CALHM4: variants seen among roughly 807,000 people sequenced by gnomAD.
CALHM4 encodes the protein calcium homeostasis modulator family member 4, also known as calcium homeostasis modulator protein 4.
In CALHM4, 16 loss-of-function variants were observed where a neutral mutation model predicts 13.3. The observed-to-expected ratio is 1.20, with a 90% CI of 0.81 to 1.82. CALHM4 has a LOEUF of 1.82. Ranked by LOEUF, CALHM4 falls within the 40% of genes most tolerant of loss-of-function variation. CALHM4 has a pLI of 0.00. For synonymous variants in CALHM4, 127 were observed against 137.1 expected (o/e 0.93, Z 0.52); for missense variants, 344 against 374.9 (o/e 0.92, Z 0.68).
intron 1 of CALHM4, among the ~76,000 whole-genome samples, chr6:116,533,840 T>C (rs1295719593): frequency 6.6e-6 from 1 of 152,144 alleles, no homozygotes; most frequent in East Asian, 1.9e-4. Flanking sequence ...GGCCTTTCCT[T>C]CCTAACTTGC....
upstream of CALHM4, among the ~76,000 whole-genome samples, chr6:116,552,965 T>A (rs953597513): frequency 6.6e-6 from 1 of 152,108 alleles, no homozygotes; most frequent in Non-Finnish European, 1.5e-5. Context: ...TCCCAGCTAC[T>A]CACGAGGCTG....
At chr6:116,534,869 G>A (rs1329711677) in intron 1 of CALHM4, among the ~76,000 whole-genome samples, 2 of 151,982 alleles carry the variant, frequency 1.3e-5, no homozygotes, top group Non-Finnish European at 1.5e-5. Flanking sequence ...CCTAAAAATC[G>A]GGGTTTCAAG....
intron 2 of CALHM4, among the ~76,000 whole-genome samples, chr6:116,548,218 A>T (rs145073198): frequency 6.6e-6 from 1 of 152,194 alleles, no homozygotes; most frequent in Non-Finnish European, 1.5e-5. Context: ...CTCTTCTGCT[A>T]TGTGAGGATA....
Position 116,554,111 on chromosome 6 carries a change from C to CA in CALHM4, c.319dup (p.Ile107AsnfsTer24), listed in dbSNP as rs1433927093. On this transcript the variant is annotated frameshift_variant, in exon 1 of 2. Coordinates refer to ENST00000368596, the MANE Select transcript of CALHM4 (RefSeq NM_001366078.2). LOFTEE classifies it high-confidence loss of function. The stretch of plus-strand genomic sequence containing the variant: ...AGCTGGCTTGCCTTAGGTTCTTCAG[C>CA]ATCACTGGGAGGGCAGTTATTGCTC... 6.4e-7 allele frequency: 1 copy of CA among 1,550,532 alleles called. No homozygotes were observed. The highest frequency in any genetic ancestry group is 1.4e-5 in the African/African-American group (1 of 73,048).
At chr6:116,546,313 G>A (rs543545976) in intron 2 of CALHM4, among the ~76,000 whole-genome samples, 55 of 152,182 alleles carry the variant, frequency 3.6e-4, no homozygotes, top group African/African-American at 1.2e-3. Flanking sequence ...CTTTATTTAC[G>A]CAGAAATACT....
rs531109231 is a variant in CALHM4, at chr6:116,558,986, C to T, written c.*775C>T. 6.6e-6 allele frequency: 1 copy of T among 152,338 alleles called. No individual in the cohort carries two copies. Among genetic ancestry groups the T allele is most frequent in the Non-Finnish European group, 1.5e-5 (1 of 68,026 alleles). 9.4% of individuals were successfully genotyped at this position (152,338 alleles called of 1,614,324 possible). On this transcript the variant is annotated 3_prime_UTR_variant, in exon 2 of 2. Coordinates refer to ENST00000368596, the MANE Select transcript of CALHM4 (RefSeq NM_001366078.2). ...TAGAAAGCTTCTCCACTGTGCTCTA[C>T]TCCAGAGATACCATTTGTACCTTTT... is the stretch of plus-strand genomic sequence containing the variant.
chr6:116,554,897 G>T (rs922741719), intron 1 of CALHM4, among the ~76,000 whole-genome samples: 1 of 152,132 alleles, frequency 6.6e-6, no homozygotes, highest in African/African-American at 2.4e-5. Context: ...GTGAGGTGGG[G>T]TGGGAAGAAA....
chr6:116,535,433 T>C (rs546264147), intron 1 of CALHM4, among the ~76,000 whole-genome samples: 2 of 152,356 alleles, frequency 1.3e-5, no homozygotes, highest in African/African-American at 4.8e-5. Context: ...TTATTATAAT[T>C]ATTGTCAAGC....
Position 116,557,832 on chromosome 6 carries a change from G to A in CALHM4, c.566G>A (p.Gly189Asp), listed in dbSNP as rs746608607. The change falls in exon 2 of 2, where the codon GGT (glycine) becomes GAT (aspartate). Residue 189 changes from glycine (G) to aspartate (D), a missense_variant. Gly to Asp is a moderately conservative substitution (Grantham distance 94). Transcript: ENST00000368596. ...LLHRYQSQML[G>D]WILITLATIA... The stretch of plus-strand genomic sequence containing the variant: ...TTTAATAATGATGTGAAGATGCTGG[G>A]TTGGATTTTGATCACCTTGGCAACC... The A allele has an allele frequency of 2.5e-6, 4 of 1,610,738 alleles. No individual in the cohort carries two copies. Among genetic ancestry groups the A allele is most frequent in the Non-Finnish European group, 2.5e-6 (3 of 1,177,646 alleles).
chr6:116,539,726 T>C lies in CALHM4; in HGVS notation c.-108-4039T>C, dbSNP rs558615846. Among the ~76,000 whole-genome samples the C allele has an allele frequency of 2.6e-5, 4 of 152,322 alleles. No individual in the cohort carries two copies. In the South Asian group the frequency reaches 8.3e-4, roughly 32 times the overall value. Reference sequence around the variant, plus strand: ...TGAGACTGACTTAATTGATCAGTTTTGTAAACCTGGAGACACGCGTATCTT... The same window carrying C: ...TGAGACTGACTTAATTGATCAGTTTCGTAAACCTGGAGACACGCGTATCTT... On this transcript the variant is annotated intron_variant, in intron 1 of 2. Coordinates refer to the CALHM4 transcript ENST00000368597.
At chr6:116,550,025 T>TATATACATATATAC (rs765467696), upstream of CALHM4, among the ~76,000 whole-genome samples, 1 of 96,342 alleles carries the variant, frequency 1.0e-5, no homozygotes, top group African/African-American at 4.1e-5. Context: ...TATATATATA[T>TATATACATATATAC]ACACACACAC....
intron 1 of CALHM4, among the ~76,000 whole-genome samples, chr6:116,536,463 C>T (rs1196868703): frequency 1.3e-5 from 2 of 152,178 alleles, no homozygotes; most frequent in Admixed American, 1.3e-4. Context: ...TTACACAGTC[C>T]TTCTCTCGCA....
chr6:116,550,308 G>A (rs1045705485), upstream of CALHM4, among the ~76,000 whole-genome samples: 4 of 151,958 alleles, frequency 2.6e-5, no homozygotes, highest in Non-Finnish European at 5.9e-5. Context: ...TGACTTTGTA[G>A]GTAAAGTTTA....
rs1773292427 is a variant in CALHM4, at chr6:116,539,386, T to C, written c.-108-4379T>C. ...ACCACATTATTCACTAGCCATGAAATAATACCAGTAATAATATGAGTAAAT... is the reference window on the plus strand; with the variant it reads ...ACCACATTATTCACTAGCCATGAAACAATACCAGTAATAATATGAGTAAAT... On this transcript the variant is annotated intron_variant, in intron 1 of 2. Transcript: ENST00000368597. Among the ~76,000 whole-genome samples the C allele has an allele frequency of 2.0e-5, 3 of 152,172 alleles. No homozygotes were observed. In the South Asian group the frequency reaches 6.2e-4, roughly 32 times the overall value.
At position 116,553,784 on chromosome 6, in the gene CALHM4, G is replaced by A. The variant is rs1313875625; in HGVS notation, c.-10G>A. ...GGGCCACAAGCTGATTTGTGTAACA[G>A]CTTCCCAAGATGTGCCCAACTCTCA... On this transcript the variant is annotated 5_prime_UTR_variant, in exon 1 of 2. Coordinates refer to ENST00000368596, the MANE Select transcript of CALHM4 (RefSeq NM_001366078.2). 1 of 1,545,718 alleles carries A rather than the reference G, an allele frequency of 6.5e-7. No individual in the cohort carries two copies. Among genetic ancestry groups the A allele is most frequent in the Non-Finnish European group, 8.7e-7 (1 of 1,143,958 alleles).
At chr6:116,541,532 G>A (rs9488962) in intron 1 of CALHM4, among the ~76,000 whole-genome samples, 2,689 of 152,230 alleles carry the variant, frequency 0.018, 74 homozygotes, top group African/African-American at 0.061. Context: ...CGGATTTGAT[G>A]TGAGAGTGCT....
chr6:116,558,430 G>T lies in CALHM4; in HGVS notation c.*219G>T, dbSNP rs961360773. 15 of 480,272 alleles carry T rather than the reference G, an allele frequency of 3.1e-5. No individual in the cohort carries two copies. Among genetic ancestry groups the T allele is most frequent in the African/African-American group, 2.7e-4 (14 of 51,198 alleles). The allele number at this position is 480,272 out of a possible 1,614,324, so 29.8% of individuals were successfully genotyped here. ...CCAATGGTCTGGTAATGCCTAGAGT[G>T]GAATGTGAAGTCACATGGAAATTTG... On this transcript the variant is annotated 3_prime_UTR_variant, in exon 2 of 2. Transcript: ENST00000368596.
chr6:116,556,529 C>T (rs1774325021), intron 1 of CALHM4, among the ~76,000 whole-genome samples: 2 of 152,160 alleles, frequency 1.3e-5, no homozygotes, highest in South Asian at 4.1e-4. Flanking sequence ...AGGTTTTAGC[C>T]TCCGTAGAGT....
In CALHM4 at chr6:116,560,314, A is replaced by G. The variant is rs1774528514; in HGVS notation, c.*2103A>G. ...GATTTTCGGTTAACAACAAAATCAA[A>G]GAATATTTGAAGTTATAGCATTACA... On this transcript the variant is annotated 3_prime_UTR_variant, in exon 2 of 2. Coordinates refer to ENST00000368596, the MANE Select transcript of CALHM4 (RefSeq NM_001366078.2). 6.6e-6 allele frequency among the ~76,000 whole-genome samples: 1 copy of G among 152,220 alleles called. No individual in the cohort carries two copies.
Sources: allele counts gnomAD v4.1 joint callset (sites outside exome capture counted in the v4.1 genomes callset), GRCh38; gene constraint gnomAD v4.1.1; transcripts MANE v1.5; gene names NCBI Gene and HGNC (gene_info 2026-07-23, HGNC 2026-07-21).